The following ENTPD1 variants were observed in gnomAD, a reference collection of about 807,000 sequenced individuals.
ENTPD1 encodes ectonucleoside triphosphate diphosphohydrolase 1, also known as ATP diphosphohydrolase.
ENTPD1 carries 33 observed loss-of-function variants against 57.0 expected under a neutral mutation model. The observed-to-expected ratio is 0.58, with a 90% CI of 0.44 to 0.77. The LOEUF (loss-of-function observed/expected upper bound fraction) is 0.77, where lower values mean the gene tolerates loss of function less well. Ranked by LOEUF, ENTPD1 falls within the 30% of genes least tolerant of loss-of-function variation. The pLI, the probability that ENTPD1 is intolerant of heterozygous loss-of-function variation, is 0.00. For synonymous variants in ENTPD1, 202 were observed against 218.8 expected, an observed-to-expected ratio of 0.92 and a Z score of 0.68; for missense variants, 501 against 603.4, an observed-to-expected ratio of 0.83 and a Z score of 1.78.
At chr10:95,709,748 T>G (rs2097964030), upstream of ENTPD1, among the ~76,000 whole-genome samples, 1 of 142,342 alleles carries the variant, frequency 7.0e-6, no homozygotes, top group East Asian at 1.9e-4. Flanking sequence ...ATGCAGTGTT[T>G]TTTGTTGTTG....
At chr10:95,807,619 C>G (rs2098278747) in intron 1 of ENTPD1, among the ~76,000 whole-genome samples, 1 of 152,234 alleles carries the variant, frequency 6.6e-6, no homozygotes, top group African/African-American at 2.4e-5. Flanking sequence ...CAGACTGGAG[C>G]TGTTCCTATT....
the ENTPD1 span, among the ~76,000 whole-genome samples, chr10:95,698,642 C>G: frequency 2.0e-5 from 3 of 152,246 alleles, no homozygotes; most frequent in Non-Finnish European, 4.4e-5. Context: ...TCAGGGTACT[C>G]TCCACAGGCT....
intron 1 of ENTPD1, among the ~76,000 whole-genome samples, chr10:95,763,881 A>G (rs1005619854): frequency 2.0e-5 from 3 of 152,192 alleles, no homozygotes; most frequent in African/African-American, 7.2e-5. Flanking sequence ...CAGTTCTCCA[A>G]CCATCCAAGG....
At chr10:95,857,665 G>A (rs2098457516) in intron 7 of ENTPD1, among the ~76,000 whole-genome samples, 1 of 152,210 alleles carries the variant, frequency 6.6e-6, no homozygotes, top group East Asian at 1.9e-4. Flanking sequence ...AGATTGTTGT[G>A]CCTTAGGAAC....
intron 4 of ENTPD1, chr10:95,843,127 G>T (rs1380471849): frequency 6.6e-6 from 1 of 152,284 alleles, no homozygotes; most frequent in Non-Finnish European, 1.5e-5. Flanking sequence ...CATGAAAAAT[G>T]AGTTGGAGGA....
intron 1 of ENTPD1, chr10:95,784,904 A>G (rs2098172937): frequency 6.6e-6 from 1 of 152,232 alleles, no homozygotes; most frequent in Admixed American, 6.5e-5. Context: ...AAGGGAGTGT[A>G]TGTGTGAGGC....
intron 1 of ENTPD1, among the ~76,000 whole-genome samples, chr10:95,712,186 G>A (rs115544263): frequency 2.6e-5 from 4 of 152,078 alleles, no homozygotes; most frequent in African/African-American, 4.8e-5. Flanking sequence ...CACATTGTTC[G>A]GTCCCTTTCC....
At position 95,819,986 on chromosome 10, in the gene ENTPD1, A is replaced by G. The variant is rs140177483; in HGVS notation, c.17-3251A>G. ...TGTGAATTTTCCATAATAGAGCTTGACTGTGGCAGTCATGGGATCTGAAAG... is the reference window on the plus strand; with the variant it reads ...TGTGAATTTTCCATAATAGAGCTTGGCTGTGGCAGTCATGGGATCTGAAAG... On this transcript the variant is annotated intron_variant, in intron 1 of 9. Coordinates refer to ENST00000371205, the MANE Select transcript of ENTPD1 (RefSeq NM_001776.6). Among the ~76,000 whole-genome samples, 319 of 152,322 alleles carry G rather than the reference A, an allele frequency of 2.1e-3. 1 individual carries two copies. The highest frequency in any genetic ancestry group is 4.0e-3 in the Non-Finnish European group (269 of 68,032).
intron 1 of ENTPD1, among the ~76,000 whole-genome samples, chr10:95,808,514 T>A (rs973122322): frequency 6.6e-6 from 1 of 152,192 alleles, no homozygotes; most frequent in Non-Finnish European, 1.5e-5. Flanking sequence ...CTTCATTTTT[T>A]ACCTTGTAGA....
At chr10:95,807,401 A>G (rs2098277718) in intron 1 of ENTPD1, among the ~76,000 whole-genome samples, 1 of 152,212 alleles carries the variant, frequency 6.6e-6, no homozygotes, top group Non-Finnish European at 1.5e-5. Context: ...CCCGTTTTCC[A>G]GGTGTAATAT....
At chr10:95,813,049 T>C (rs1436830642) in intron 1 of ENTPD1, among the ~76,000 whole-genome samples, 2 of 152,212 alleles carry the variant, frequency 1.3e-5, no homozygotes, top group Non-Finnish European at 1.5e-5. Flanking sequence ...TGCAAACTTT[T>C]GTCATTTTTT....
upstream of ENTPD1, chr10:95,755,621 G>C: frequency 7.1e-7 from 1 of 1,406,274 alleles, no homozygotes; most frequent in Non-Finnish European, 9.7e-7. Context: ...ATAACGCAGC[G>C]TCTCCTGCAG....
intron 1 of ENTPD1, chr10:95,785,225 C>T (rs780689389): frequency 5.9e-5 from 9 of 152,146 alleles, no homozygotes; most frequent in Non-Finnish European, 1.2e-4. Flanking sequence ...ATCTCTTGTT[C>T]CAGGCCAACT....
At chr10:95,745,730 C>T (rs1015997432) in intron 1 of ENTPD1, among the ~76,000 whole-genome samples, 10 of 152,168 alleles carry the variant, frequency 6.6e-5, no homozygotes, top group Admixed American at 4.6e-4. Context: ...AGATATTTGC[C>T]GTAGCATAGG....
Position 95,874,502 on chromosome 10 carries a change from G to A in ENTPD1, c.*8119G>A, listed in dbSNP as rs547333863. On this transcript the variant is annotated 3_prime_UTR_variant, in exon 10 of 10. Coordinates refer to ENST00000371205, the MANE Select transcript of ENTPD1 (RefSeq NM_001776.6). ...CTCCTGGCTGCTTTCTCAGGCTGAT[G>A]TTGAGTGTCTGTAGCTTTTCCAGGC... is the stretch of plus-strand genomic sequence containing the variant. Among the ~76,000 whole-genome samples the A allele has an allele frequency of 1.3e-5, 2 of 152,354 alleles. No individual in the cohort carries two copies. The highest frequency in any genetic ancestry group is 4.1e-4 in the South Asian group (2 of 4,828).
chr10:95,806,957 A>G (rs912377459), intron 1 of ENTPD1, among the ~76,000 whole-genome samples: 1 of 152,214 alleles, frequency 6.6e-6, no homozygotes, highest in Admixed American at 6.5e-5. Context: ...GTTAGGCTAC[A>G]TGGGGGTCAG....
At chr10:95,787,711 T>A (rs909323116) in intron 1 of ENTPD1, among the ~76,000 whole-genome samples, 2 of 152,216 alleles carry the variant, frequency 1.3e-5, no homozygotes, top group African/African-American at 4.8e-5. Context: ...TATTATTGTT[T>A]AAAGATATTC....
chr10:95,805,561 A>G (rs2098268632), intron 1 of ENTPD1, among the ~76,000 whole-genome samples: 1 of 152,190 alleles, frequency 6.6e-6, no homozygotes, highest in African/African-American at 2.4e-5. Flanking sequence ...TTTGCCCGCT[A>G]GCTGATGCAG....
chr10:95,875,357 G>T lies in ENTPD1; in HGVS notation c.*8974G>T, dbSNP rs2098484673. ...CTAGGGCAAGGGTGAAATGCTGCCA[G>T]TCTCCTTGCTAAAACATAACAAGGG... On this transcript the variant is annotated 3_prime_UTR_variant, in exon 10 of 10. Coordinates refer to ENST00000371205, the MANE Select transcript of ENTPD1 (RefSeq NM_001776.6). The T allele has an allele frequency of 6.6e-6, 1 of 152,244 alleles. No homozygotes were observed. Among genetic ancestry groups the T allele is most frequent in the African/African-American group, 2.4e-5 (1 of 41,442 alleles). 9.4% of individuals were successfully genotyped at this position (152,244 alleles called of 1,614,324 possible).
Sources: allele counts gnomAD v4.1 joint callset (sites outside exome capture counted in the v4.1 genomes callset), GRCh38; gene constraint gnomAD v4.1.1; transcripts MANE v1.5; gene names NCBI Gene and HGNC (gene_info 2026-07-23, HGNC 2026-07-21).